Variants in ASTL observed in about 807,000 individuals in gnomAD.
The protein encoded by ASTL is astacin-like metalloendopeptidase.
In ASTL, 27 loss-of-function variants were observed where a neutral mutation model predicts 36.7. The ratio of observed to expected loss-of-function variants is 0.73; its 90% CI spans 0.54 to 1.01. The LOEUF (loss-of-function observed/expected upper bound fraction) is 1.01, where lower values mean the gene tolerates loss of function less well. Ranked by LOEUF, ASTL falls within the 50% of genes least tolerant of loss-of-function variation. The pLI, the probability that ASTL is intolerant of heterozygous loss-of-function variation, is 0.00. For missense variants in ASTL, 524 were observed against 572.8 expected, an observed-to-expected ratio of 0.91 and a Z score of 0.87; for synonymous variants, 222 against 228.1, an observed-to-expected ratio of 0.97 and a Z score of 0.24.
chr2:96,126,978 T>C (rs1386009609), intron 8 of ASTL, among the ~76,000 whole-genome samples: 1 of 152,114 alleles, frequency 6.6e-6, no homozygotes, highest in African/African-American at 2.4e-5. Context: ...TAAATGACCA[T>C]AGTAGCTCTA....
chr2:96,127,747 A>AT (rs879828090), intron 8 of ASTL, among the ~76,000 whole-genome samples: 15 of 151,510 alleles, frequency 9.9e-5, no homozygotes, highest in African/African-American at 2.7e-4. Context: ...TAATTTTTGT[A>AT]TTTTTTTTAA....
At chr2:96,133,574 G>A in intron 4 of ASTL, 32 bp from the exon 5 acceptor site, 1 of 1,506,864 alleles carries the variant, frequency 6.6e-7, no homozygotes, top group Non-Finnish European at 9.2e-7. Context: ...AGCCCCCAGA[G>A]CCCTGGTGGT....
At chr2:96,135,553 C>G (rs1431129422) in intron 2 of ASTL, 141 bp from the exon 3 acceptor site, 6 of 718,080 alleles carry the variant, frequency 8.4e-6, no homozygotes, top group Non-Finnish European at 1.4e-5. Context: ...CTTAAATAGC[C>G]TGATAAAAGT....
chr2:96,137,702 T>A lies in ASTL; in HGVS notation c.56-2A>T, dbSNP rs777868396. Reference sequence around the variant, plus strand: ...CCAGGGGCGCTCCTAGGATCACACCTGGTCCAGACAGACAGGGGCATACAC... The same window carrying A: ...CCAGGGGCGCTCCTAGGATCACACCAGGTCCAGACAGACAGGGGCATACAC... On this transcript the variant is annotated splice_acceptor_variant, in intron 1 of 8. Coordinates refer to ENST00000342380, the MANE Select transcript of ASTL (RefSeq NM_001002036.4). LOFTEE classifies it high-confidence loss of function. The A allele has an allele frequency of 2.5e-6, 4 of 1,611,278 alleles. No homozygotes were observed. In the Admixed American group the frequency reaches 6.7e-5, roughly 27 times the overall value.
chr2:96,131,712 T>C (rs754332031), intron 6 of ASTL, among the ~76,000 whole-genome samples: 2 of 152,088 alleles, frequency 1.3e-5, no homozygotes, highest in African/African-American at 4.8e-5. Context: ...GGGAAGGTCC[T>C]TGGGCCCAGG....
Position 96,123,710 on chromosome 2 carries a change from G to A in ASTL, c.*140C>T, listed in dbSNP as rs1682003513. On this transcript the variant is annotated 3_prime_UTR_variant, in exon 9 of 9. Transcript: ENST00000342380. Reference sequence around the variant, plus strand: ...GGGGAACACAGTGAAGAGAGACAGGGGAAGAGTCCTGGCCCTCTGAGATGG... The same window carrying A: ...GGGGAACACAGTGAAGAGAGACAGGAGAAGAGTCCTGGCCCTCTGAGATGG... 1 of 662,340 alleles carries A rather than the reference G, an allele frequency of 1.5e-6. No individual in the cohort carries two copies. Among genetic ancestry groups the A allele is most frequent in the Non-Finnish European group, 2.6e-6 (1 of 388,580 alleles). The allele number at this position is 662,340 out of a possible 1,614,324, so 41.0% of individuals were successfully genotyped here. A position where few individuals can be genotyped will look rare whatever the true frequency, so the allele number is the denominator to read the frequency against.
intron 2 of ASTL, among the ~76,000 whole-genome samples, chr2:96,137,089 C>T (rs575408382): frequency 1.3e-5 from 2 of 152,010 alleles, no homozygotes; most frequent in Non-Finnish European, 2.9e-5. Flanking sequence ...ATGATCTGCC[C>T]GCCTCAGCCT....
chr2:96,135,474 C>A, intron 2 of ASTL, 62 bp from the exon 3 acceptor site: 1 of 1,416,444 alleles, frequency 7.1e-7, no homozygotes, highest in Non-Finnish European at 9.9e-7. Flanking sequence ...GTGGGACAGG[C>A]CAAGCAAATC....
intron 8 of ASTL, among the ~76,000 whole-genome samples, chr2:96,129,421 C>A (rs570998972): frequency 6.6e-6 from 1 of 152,062 alleles, no homozygotes; most frequent in African/African-American, 2.4e-5. Flanking sequence ...CTATTATGAA[C>A]GATTTTTTTG....
At chr2:96,128,231 A>C (rs1177173704) in intron 8 of ASTL, among the ~76,000 whole-genome samples, 1 of 71,522 alleles carries the variant, frequency 1.4e-5, no homozygotes, top group Non-Finnish European at 3.5e-5. Context: ...AAACTGTCTC[A>C]AAAAAAAAAA....
intron 2 of ASTL, among the ~76,000 whole-genome samples, chr2:96,136,656 C>T (rs746715328): frequency 3.3e-5 from 5 of 152,196 alleles, no homozygotes; most frequent in Non-Finnish European, 7.3e-5. Flanking sequence ...GTGGCTACCA[C>T]ATCTGGTAGG....
chr2:96,134,029 G>C lies in ASTL; in HGVS notation c.273C>G (p.Ser91Arg). The part of the protein sequence containing the change: ...PSPFRLLSAT[S>R]NKWPMGGSGV... ...CACTACCACCCATGGGCCATTTGTTGCTGGTTGCTGACAGCAGTCGGAAGG... is the reference window on the plus strand; with the variant it reads ...CACTACCACCCATGGGCCATTTGTTCCTGGTTGCTGACAGCAGTCGGAAGG... Residue 91 changes from serine to arginine, a missense_variant, in exon 4 of 9, where the codon AGC becomes AGG. Coordinates refer to ENST00000342380, the MANE Select transcript of ASTL (RefSeq NM_001002036.4). The C allele has an allele frequency of 6.2e-7, 1 of 1,613,946 alleles. No homozygotes were observed. Among genetic ancestry groups the C allele is most frequent in the Non-Finnish European group, 8.5e-7 (1 of 1,179,848 alleles).
At chr2:96,135,306 A>G (rs2104776497) in intron 3 of ASTL, 45 bp downstream of exon 3, 3 of 1,577,760 alleles carry the variant, frequency 1.9e-6, no homozygotes, top group South Asian at 2.2e-5. Flanking sequence ...CCTGTCGCCA[A>G]CTGTGGGCTT....
At chr2:96,129,060 A>C (rs1022344863) in intron 8 of ASTL, among the ~76,000 whole-genome samples, 3 of 152,196 alleles carry the variant, frequency 2.0e-5, no homozygotes, top group Non-Finnish European at 4.4e-5. Context: ...AAAGAAAAAA[A>C]AAATCACTCT....
intron 3 of ASTL, among the ~76,000 whole-genome samples, chr2:96,135,137 G>A (rs1369305926): frequency 6.6e-6 from 1 of 152,254 alleles, no homozygotes; most frequent in East Asian, 1.9e-4. Flanking sequence ...GGCTGACTGT[G>A]CCAGCACTTC....
At chr2:96,135,609 G>T (rs1265199115) in intron 2 of ASTL, among the ~76,000 whole-genome samples, 197 bp from the exon 3 acceptor site, 2 of 152,272 alleles carry the variant, frequency 1.3e-5, no homozygotes, top group Admixed American at 1.3e-4. Flanking sequence ...TAAGTCATTA[G>T]TTGATGTTTG....
At chr2:96,128,740 TG>T (rs1417213136) in intron 8 of ASTL, among the ~76,000 whole-genome samples, 1 of 152,260 alleles carries the variant, frequency 6.6e-6, no homozygotes, top group Non-Finnish European at 1.5e-5. Context: ...AGGGATGTCT[TG>T]GCTATTATTG....
chr2:96,133,732 T>G (rs1302232310), intron 4 of ASTL, 190 bp from the exon 5 acceptor site: 1 of 634,458 alleles, frequency 1.6e-6, no homozygotes, highest in Non-Finnish European at 2.8e-6. Context: ...CACTGTCCTC[T>G]GCACCGCATG....
intron 4 of ASTL, 104 bp from the exon 5 acceptor site, chr2:96,133,646 CAAGA>C: frequency 1.2e-6 from 1 of 847,704 alleles, no homozygotes; most frequent in Non-Finnish European, 2.0e-6. Flanking sequence ...AAAATAGCAT[CAAGA>C]AAGGGCAGCT....
Sources: allele counts gnomAD v4.1 joint callset (sites outside exome capture counted in the v4.1 genomes callset), GRCh38; gene constraint gnomAD v4.1.1; transcripts MANE v1.5; gene names NCBI Gene and HGNC (gene_info 2026-07-23, HGNC 2026-07-21).